The following GLI3 variants were observed in gnomAD, a reference collection of about 807,000 sequenced individuals.
The protein encoded by GLI3 is GLI family zinc finger 3, also known as transcription activator GLI3.
A neutral mutation model predicts 100.8 loss-of-function variants in GLI3; 20 were observed. The observed-to-expected ratio is 0.20, with a 90% CI of 0.14 to 0.29. The LOEUF (loss-of-function observed/expected upper bound fraction) is 0.29, where lower values mean the gene tolerates loss of function less well. GLI3 is among the 10% of genes least tolerant of loss of function. The pLI is 1.00. For missense variants in GLI3, 2,040 were observed against 2,128.5 expected (o/e 0.96, Z 0.82); for synonymous variants, 938 against 860.5 (o/e 1.09, Z -1.58).
chr7:42,086,633 G>A (rs1161373052), intron 3 of GLI3, among the ~76,000 whole-genome samples: 4 of 151,962 alleles, frequency 2.6e-5, no homozygotes, highest in African/African-American at 9.7e-5. Flanking sequence ...CCTCAGTTGA[G>A]GACAAATTCC....
intron 4 of GLI3, among the ~76,000 whole-genome samples, chr7:42,074,938 A>G (rs983313666): frequency 1.3e-5 from 2 of 152,152 alleles, no homozygotes; most frequent in Non-Finnish European, 2.9e-5. Context: ...CTAAAATCCA[A>G]AGAAAACCCA....
intron 2 of GLI3, among the ~76,000 whole-genome samples, chr7:42,165,908 T>A (rs1317783882): frequency 1.3e-5 from 2 of 152,194 alleles, no homozygotes; most frequent in East Asian, 3.8e-4. Context: ...AAATCGCATA[T>A]ATTAAATCTT....
chr7:42,220,192 A>C (rs1193803848), intron 2 of GLI3, among the ~76,000 whole-genome samples: 2 of 152,196 alleles, frequency 1.3e-5, no homozygotes, highest in East Asian at 3.8e-4. Flanking sequence ...ATAAATGGAT[A>C]TAGTTCAGGG....
At chr7:42,226,875 T>C (rs1355777026) in intron 1 of GLI3, among the ~76,000 whole-genome samples, 1 of 152,176 alleles carries the variant, frequency 6.6e-6, no homozygotes, top group East Asian at 1.9e-4. Flanking sequence ...GTTGTGGTGA[T>C]GGAATTTTCA....
chr7:42,122,468 A>AT (rs5883813), intron 3 of GLI3, among the ~76,000 whole-genome samples: 34,766 of 151,986 alleles, frequency 0.23, 4,242 homozygotes, highest in Admixed American at 0.34. Flanking sequence ...CTTCATACCA[A>AT]TATGGGCTCT....
intron 2 of GLI3, among the ~76,000 whole-genome samples, chr7:42,197,022 T>C (rs1787939686): frequency 6.6e-6 from 1 of 152,174 alleles, no homozygotes; most frequent in Non-Finnish European, 1.5e-5. Context: ...CTCTGGATTT[T>C]ACAAATAAGG....
At position 41,977,941 on chromosome 7, in the gene GLI3, G is replaced by GT. The variant is rs60699625; in HGVS notation, c.1648-220dup. 51,216 of 485,936 alleles carry GT rather than the reference G, an allele frequency of 0.11. 139 individuals are homozygous for GT. The highest frequency in any genetic ancestry group is 0.13 in the Non-Finnish European group (36,158 of 271,848). The allele number at this position is 485,936 out of a possible 1,614,324, so 30.1% of individuals were successfully genotyped here. A position where few individuals can be genotyped will look rare whatever the true frequency, so the allele number is the denominator to read the frequency against. ...TTTCAGTGCCAGTAAAAGTCCTGAA[G>GT]TTTTTTTTTTTAATAGACCGCTCAA... On this transcript the variant is annotated intron_variant, in intron 11 of 14. Coordinates refer to ENST00000395925, the MANE Select transcript of GLI3 (RefSeq NM_000168.6).
Position 41,972,185 on chromosome 7 carries a change from A to T in GLI3, c.2103+152T>A. On this transcript the variant is annotated intron_variant, in intron 13 of 14. Transcript: ENST00000395925. This position sits in a 1 kb window ranked among gnomAD's most constrained non-coding sequence, Gnocchi z 4.4. ...CTCTTTTTCTGAGCTGATCGACTTC[A>T]CGTAAGCAATACGGGTCACTGCCCT... 1 of 773,982 alleles carries T rather than the reference A, an allele frequency of 1.3e-6. No individual in the cohort carries two copies. Among genetic ancestry groups the T allele is most frequent in the Non-Finnish European group, 2.3e-6 (1 of 436,606 alleles). 47.9% of individuals were successfully genotyped at this position (773,982 alleles called of 1,614,324 possible).
At chr7:42,002,306 T>C (rs1788325428) in intron 10 of GLI3, among the ~76,000 whole-genome samples, 2 of 152,184 alleles carry the variant, frequency 1.3e-5, no homozygotes, top group South Asian at 4.1e-4. Context: ...CAAATTAGAC[T>C]TATGACAAAA....
intron 2 of GLI3, among the ~76,000 whole-genome samples, chr7:42,189,307 A>G (rs1291597926): frequency 6.6e-6 from 1 of 152,254 alleles, no homozygotes; most frequent in African/African-American, 2.4e-5. Flanking sequence ...CATGCAACGT[A>G]CAAAAATCCT....
intron 1 of GLI3, among the ~76,000 whole-genome samples, chr7:42,263,908 G>A (rs1789172776): frequency 6.6e-6 from 1 of 152,182 alleles, no homozygotes; most frequent in South Asian, 2.1e-4. Flanking sequence ...CAACAAAACA[G>A]AATAGCTGAA....
intron 10 of GLI3, among the ~76,000 whole-genome samples, chr7:41,992,876 G>T (rs1788027331): frequency 6.6e-6 from 1 of 152,192 alleles, no homozygotes; most frequent in South Asian, 2.1e-4. Context: ...CAATATGTTG[G>T]AGTGTGGGCT....
intron 4 of GLI3, among the ~76,000 whole-genome samples, chr7:42,051,662 G>C (rs890312815): frequency 6.6e-6 from 1 of 152,068 alleles, no homozygotes; most frequent in African/African-American, 2.4e-5. Flanking sequence ...GAAATATTAA[G>C]ACATTCTTTT....
rs61091998 is a variant in GLI3, at chr7:41,964,082, A to T, written c.*248T>A. The T allele has an allele frequency of 0.043, 8,238 of 193,692 alleles. 155 individuals are homozygous for T. Among genetic ancestry groups the T allele is most frequent in the South Asian group, 0.057 (485 of 8,468 alleles). 12.0% of individuals were successfully genotyped at this position (193,692 alleles called of 1,614,324 possible). On this transcript the variant is annotated 3_prime_UTR_variant, in exon 15 of 15. Transcript: ENST00000395925. ...GCTTACAGTTTTTTTTTTTTTTTTT[A>T]AAAAGAGGGTGGTTTGAGTGTAACA... is the stretch of plus-strand genomic sequence containing the variant.
rs780620627 is a variant in GLI3, at chr7:41,966,240, G to A, written c.2833C>T (p.Leu945=). The A allele has an allele frequency of 5.0e-6, 8 of 1,608,884 alleles. No individual in the cohort carries two copies. The highest frequency in any genetic ancestry group is 1.7e-5 in the Admixed American group (1 of 59,946). ...AGGCTCATCCTCTCCATGTTGGGCA[G>A]GGGCGTCGGCGGCGGCCCTCCTGTG... ...AATGGPPPTP[L]PNMERMSLKT... is the part of the protein sequence containing the mutation. Residue 945 remains leucine (L), a synonymous_variant, in exon 15 of 15, where the codon CTG becomes TTG. Transcript: ENST00000395925. The surrounding 1 kb of genome is among the most constrained non-coding windows in gnomAD (Gnocchi z 5.8).
upstream of GLI3, among the ~76,000 whole-genome samples, chr7:42,241,165 G>A (rs1345888826): frequency 6.6e-6 from 1 of 152,152 alleles, no homozygotes; most frequent in Admixed American, 6.5e-5. Flanking sequence ...CTCCAATAAC[G>A]TCTACTGGGT....
chr7:41,968,940 A>C (rs1345699212), intron 13 of GLI3, among the ~76,000 whole-genome samples: 1 of 152,184 alleles, frequency 6.6e-6, no homozygotes, highest in Non-Finnish European at 1.5e-5. Flanking sequence ...ACAATGCTGC[A>C]AACAATGGAA....
At chr7:42,010,295 C>CTT (rs1788576042) in intron 10 of GLI3, among the ~76,000 whole-genome samples, 1 of 152,192 alleles carries the variant, frequency 6.6e-6, no homozygotes, top group Non-Finnish European at 1.5e-5. Flanking sequence ...GAGGCTGCGG[C>CTT]TTAAAGTGGG....
chr7:42,203,148 A>G (rs2128693800), intron 2 of GLI3, among the ~76,000 whole-genome samples: 1 of 152,320 alleles, frequency 6.6e-6, no homozygotes, highest in East Asian at 1.9e-4. Context: ...TTTAAACATG[A>G]TGTTTGAAGT....
Sources: gnomAD v4.1 joint callset for allele counts (sites outside exome capture counted in the v4.1 genomes callset) on GRCh38, gnomAD v4.1.1 for gene constraint, Gnocchi (gnomAD v3.1) non-coding constraint, MANE v1.5 for transcripts, NCBI Gene and HGNC (gene_info 2026-07-23, HGNC 2026-07-21) for gene names.